HRH1: variants seen among roughly 807,000 people sequenced by gnomAD.
The protein encoded by HRH1 is histamine receptor H1, also known as histamine H1 receptor.
A neutral mutation model predicts 10.3 loss-of-function variants in HRH1; 6 were observed. The ratio of observed to expected loss-of-function variants is 0.58; its 90% CI spans 0.32 to 1.15. The LOEUF is 1.15. Among genes scored for constraint, HRH1 ranks in the 50% most tolerant of loss-of-function variants. HRH1 has a pLI of 0.05. For synonymous variants in HRH1, 242 were observed against 236.7 expected (o/e 1.02, Z -0.21); for missense variants, 514 against 615.3 (o/e 0.84, Z 1.74).
chr3:11,163,010 G>C (rs1936955188), intron 1 of HRH1, among the ~76,000 whole-genome samples: 1 of 152,190 alleles, frequency 6.6e-6, no homozygotes, highest in South Asian at 2.1e-4. Context: ...GCTAGCTGGA[G>C]CATGCTTAGG....
At chr3:11,171,123 C>CTTTTT (rs200795325) in intron 1 of HRH1, among the ~76,000 whole-genome samples, 74 of 142,210 alleles carry the variant, frequency 5.2e-4, no homozygotes, top group African/African-American at 1.8e-3. Flanking sequence ...TTTTTCTTTT[C>CTTTTT]TTTTTTTTTT....
chr3:11,218,615 G>A (rs1269320356), intron 1 of HRH1, among the ~76,000 whole-genome samples: 6 of 152,226 alleles, frequency 3.9e-5, no homozygotes, highest in African/African-American at 4.8e-5. Flanking sequence ...TTGCTCTGTC[G>A]CCCAGACTGG....
At chr3:11,164,215 G>C (rs906350414) in intron 1 of HRH1, among the ~76,000 whole-genome samples, 4 of 152,200 alleles carry the variant, frequency 2.6e-5, no homozygotes, top group African/African-American at 9.7e-5. Flanking sequence ...CACGGCCTGG[G>C]CTGGCCATGC....
At chr3:11,208,727 T>C (rs1559271657) in intron 1 of HRH1, among the ~76,000 whole-genome samples, 1 of 152,222 alleles carries the variant, frequency 6.6e-6, no homozygotes, top group African/African-American at 2.4e-5. Flanking sequence ...AGCCACATGA[T>C]TATTAATCGC....
At chr3:11,256,464 C>T (rs1019758760) in intron 1 of HRH1, among the ~76,000 whole-genome samples, 3 of 152,158 alleles carry the variant, frequency 2.0e-5, no homozygotes, top group African/African-American at 7.2e-5. Context: ...AAGGATCAAA[C>T]ACCTTGGGGT....
intron 1 of HRH1, among the ~76,000 whole-genome samples, chr3:11,258,574 G>C (rs1939846709): frequency 6.6e-6 from 1 of 152,152 alleles, no homozygotes; most frequent in Non-Finnish European, 1.5e-5. Context: ...TGGCCATGGT[G>C]GTATCTCATG....
chr3:11,138,180 AT>A (rs746775307), intron 1 of HRH1, among the ~76,000 whole-genome samples: 211 of 135,524 alleles, frequency 1.6e-3, no homozygotes, highest in Non-Finnish European at 1.7e-3. Flanking sequence ...ACGTTTGGCT[AT>A]TTTTTTTTTT....
intron 1 of HRH1, among the ~76,000 whole-genome samples, chr3:11,192,287 G>T (rs1424678794): frequency 6.6e-6 from 1 of 152,290 alleles, no homozygotes; most frequent in East Asian, 1.9e-4. Flanking sequence ...CCCTTCCAGG[G>T]CAGCCACTAT....
chr3:11,169,527 A>G (rs1446473243), intron 1 of HRH1, among the ~76,000 whole-genome samples: 1 of 152,084 alleles, frequency 6.6e-6, no homozygotes, highest in African/African-American at 2.4e-5. Context: ...GGGCTGGAAG[A>G]CAAAGTAATG....
Position 11,260,043 on chromosome 3 carries a change from C to A in HRH1, c.1006C>A (p.Gln336Lys). The change falls in exon 2 of 2, where the codon CAG (glutamine) becomes AAG (lysine). Residue 336 changes from glutamine (Q) to lysine (K), a missense_variant. Transcript: ENST00000431010. ...RSHGQLKTDE[Q>K]GLNTHGASEI... ...CCATGGCCAGCTCAAGACAGATGAG[C>A]AGGGCCTGAACACACATGGGGCCAG... is the stretch of plus-strand genomic sequence containing the variant. 1 of 1,614,106 alleles carries A rather than the reference C, an allele frequency of 6.2e-7. No individual in the cohort carries two copies. Among genetic ancestry groups the A allele is most frequent in the Non-Finnish European group, 8.5e-7 (1 of 1,180,012 alleles).
rs201402357 is a variant in HRH1, at chr3:11,262,868, A to G, written c.*2367A>G. The stretch of plus-strand genomic sequence containing the variant: ...CTCTAGTGCTTGTATAGTGTCTGGT[A>G]TACAGAGGGCACTCCTATGCATTTT... On this transcript the variant is annotated 3_prime_UTR_variant, in exon 2 of 2. Transcript: ENST00000431010. 1.2e-5 allele frequency: 2 copies of G among 167,130 alleles called. No individual in the cohort carries two copies. Among genetic ancestry groups the G allele is most frequent in the Non-Finnish European group, 2.9e-5 (2 of 68,126 alleles). 10.4% of individuals were successfully genotyped at this position (167,130 alleles called of 1,614,324 possible).
chr3:11,153,315 T>C (rs915305773), upstream of HRH1, among the ~76,000 whole-genome samples: 12 of 152,288 alleles, frequency 7.9e-5, no homozygotes, highest in Admixed American at 4.6e-4. Context: ...TCTGACACAA[T>C]GGCCCCTGTC....
chr3:11,182,169 G>C (rs1937370355), intron 1 of HRH1, among the ~76,000 whole-genome samples: 1 of 151,414 alleles, frequency 6.6e-6, no homozygotes, highest in South Asian at 2.1e-4. Context: ...TTTTAGTAGA[G>C]ACAGGGTTTC....
intron 1 of HRH1, among the ~76,000 whole-genome samples, chr3:11,212,714 A>T (rs138820873): frequency 6.6e-6 from 1 of 152,334 alleles, no homozygotes; most frequent in East Asian, 1.9e-4. Flanking sequence ...TCATTCACGT[A>T]ATCCATCAGT....
At chr3:11,242,509 A>AAAAAAAAAAT (rs1559283215) in intron 1 of HRH1, among the ~76,000 whole-genome samples, 18 of 120,812 alleles carry the variant, frequency 1.5e-4, no homozygotes, top group African/African-American at 5.6e-4. Context: ...AAAAAAAAAA[A>AAAAAAAAAAT]GCTGTAACAC....
At chr3:11,250,913 C>A (rs1410831682) in intron 1 of HRH1, among the ~76,000 whole-genome samples, 1 of 152,150 alleles carries the variant, frequency 6.6e-6, no homozygotes, top group South Asian at 2.1e-4. Flanking sequence ...TAAATTCCTA[C>A]GCATCCATAA....
chr3:11,196,828 G>A (rs565584421), intron 1 of HRH1, among the ~76,000 whole-genome samples: 3 of 151,978 alleles, frequency 2.0e-5, no homozygotes, highest in East Asian at 3.9e-4. Flanking sequence ...GCAGAATCTC[G>A]TCCGGGCACG....
intron 1 of HRH1, among the ~76,000 whole-genome samples, chr3:11,195,661 T>C (rs1002015477): frequency 6.6e-6 from 1 of 152,208 alleles, no homozygotes; most frequent in Non-Finnish European, 1.5e-5. Flanking sequence ...TTCAGGTGCG[T>C]TATCCAGGAC....
intron 1 of HRH1, among the ~76,000 whole-genome samples, chr3:11,197,519 G>A (rs940345747): frequency 6.6e-6 from 1 of 152,166 alleles, no homozygotes; most frequent in Non-Finnish European, 1.5e-5. Context: ...AAAAGGTACT[G>A]TCTGGGAAAG....
Sources: allele counts gnomAD v4.1 joint callset (sites outside exome capture counted in the v4.1 genomes callset), GRCh38; gene constraint gnomAD v4.1.1; transcripts MANE v1.5; gene names NCBI Gene and HGNC (gene_info 2026-07-23, HGNC 2026-07-21).